The following WDR7 variants were observed in gnomAD, a reference collection of about 807,000 sequenced individuals.
WDR7 encodes WD repeat domain 7, also known as WD repeat-containing protein 7.
In WDR7, 46 loss-of-function variants were observed where a neutral mutation model predicts 169.4. The observed-to-expected ratio is 0.27, with a 90% CI of 0.21 to 0.35. The LOEUF (loss-of-function observed/expected upper bound fraction) is 0.35, where lower values mean the gene tolerates loss of function less well. Among genes scored for constraint, WDR7 ranks in the 10% least tolerant of loss-of-function variants. WDR7 has a pLI of 1.00. For missense variants in WDR7, 1,534 were observed against 1,859.3 expected, an observed-to-expected ratio of 0.83 and a Z score of 3.22; for synonymous variants, 612 against 666.8, an observed-to-expected ratio of 0.92 and a Z score of 1.27.
intron 14 of WDR7, among the ~76,000 whole-genome samples, chr18:56,742,623 T>G (rs2043637670): frequency 6.6e-6 from 1 of 152,172 alleles, no homozygotes; most frequent in Admixed American, 6.5e-5. Context: ...CTTCAGAAAA[T>G]ACACTCAGAT....
At chr18:56,983,920 T>C (rs957322227) in intron 26 of WDR7, among the ~76,000 whole-genome samples, 1 of 152,158 alleles carries the variant, frequency 6.6e-6, no homozygotes, top group African/African-American at 2.4e-5. Flanking sequence ...ACAATTGCAG[T>C]TTTTTCTTTT....
chr18:56,897,702 T>A (rs1241594449), intron 21 of WDR7, among the ~76,000 whole-genome samples: 1 of 151,986 alleles, frequency 6.6e-6, no homozygotes, highest in Non-Finnish European at 1.5e-5. Context: ...TAAAAATGTG[T>A]ACACTTTGAT....
intron 16 of WDR7, among the ~76,000 whole-genome samples, chr18:56,775,090 G>A (rs911989348): frequency 3.3e-5 from 5 of 151,800 alleles, no homozygotes; most frequent in Non-Finnish European, 4.4e-5. Flanking sequence ...TTAATCCCAC[G>A]ACTTATTTGA....
chr18:57,004,771 C>A lies in WDR7; in HGVS notation c.4165-15974C>A, dbSNP rs114545114. On this transcript the variant is annotated intron_variant, in intron 26 of 27. Coordinates refer to ENST00000254442, the MANE Select transcript of WDR7 (RefSeq NM_015285.3). ...CAGATCAAAACAGTTCTTACAGTTT[C>A]ACTCTTTTTTAACTTTGCAAGCAGA... Among the ~76,000 whole-genome samples, 542 of 152,204 alleles carry A rather than the reference C, an allele frequency of 3.6e-3. 2 individuals are homozygous for A. Among genetic ancestry groups the A allele is most frequent in the African/African-American group, 0.012 (497 of 41,516 alleles).
chr18:56,735,575 T>A (rs2026681505), intron 14 of WDR7, among the ~76,000 whole-genome samples: 1 of 152,196 alleles, frequency 6.6e-6, no homozygotes, highest in Non-Finnish European at 1.5e-5. Context: ...TTGATTTTTT[T>A]CAGATATGCT....
intron 25 of WDR7, among the ~76,000 whole-genome samples, chr18:56,952,714 A>G (rs1467417916): frequency 1.3e-5 from 2 of 152,234 alleles, no homozygotes; most frequent in African/African-American, 2.4e-5. Flanking sequence ...TTAAAAGCAT[A>G]TTACCTCTCT....
chr18:56,868,956 G>A (rs1402626850), intron 20 of WDR7, among the ~76,000 whole-genome samples: 1 of 151,940 alleles, frequency 6.6e-6, no homozygotes, highest in Non-Finnish European at 1.5e-5. Context: ...TGCCCTAATA[G>A]TAAAGGCAAA....
In WDR7 at chr18:56,796,769, T is replaced by C. The variant is rs181576090; in HGVS notation, c.3190+15113T>C. Among the ~76,000 whole-genome samples, 418 of 152,162 alleles carry C rather than the reference T, an allele frequency of 2.7e-3. 1 individual carries two copies. Among genetic ancestry groups the C allele is most frequent in the African/African-American group, 9.5e-3 (396 of 41,512 alleles). ...ATTTTATTAGATTAAAATGTGCAAG[T>C]GAATGATGTAGAAGAAAATGACATT... On this transcript the variant is annotated intron_variant, in intron 19 of 27. Transcript: ENST00000254442.
At chr18:56,983,251 C>A (rs2047670766) in intron 26 of WDR7, among the ~76,000 whole-genome samples, 1 of 152,104 alleles carries the variant, frequency 6.6e-6, no homozygotes, top group African/African-American at 2.4e-5. Flanking sequence ...CTATTTTTTA[C>A]TAAATACCTT....
chr18:56,907,232 G>A lies in WDR7; in HGVS notation c.3527-16690G>A, dbSNP rs533953843. Among the ~76,000 whole-genome samples, 6 of 152,310 alleles carry A rather than the reference G, an allele frequency of 3.9e-5. No individual in the cohort carries two copies. The South Asian group carries it at 1.2e-3, about 32-fold the overall frequency. On this transcript the variant is annotated intron_variant, in intron 21 of 27. Coordinates refer to ENST00000254442, the MANE Select transcript of WDR7 (RefSeq NM_015285.3). ...AAATGCTTAAAATATGGACGGTGAA[G>A]TGTGAATCAATTCTTTCATTCCACA...
At chr18:56,722,374 G>A (rs1395137171) in intron 13 of WDR7, among the ~76,000 whole-genome samples, 1 of 152,180 alleles carries the variant, frequency 6.6e-6, no homozygotes, top group African/African-American at 2.4e-5. Context: ...GGTTTTAGTA[G>A]CAAGTGTTTT....
At chr18:56,852,440 C>A (rs938331744) in intron 20 of WDR7, among the ~76,000 whole-genome samples, 3 of 152,098 alleles carry the variant, frequency 2.0e-5, no homozygotes, top group African/African-American at 4.8e-5. Flanking sequence ...TCCTCTGTCT[C>A]GTATTTTGAA....
chr18:56,891,859 A>T (rs1727643590), intron 21 of WDR7, among the ~76,000 whole-genome samples: 2 of 152,044 alleles, frequency 1.3e-5, no homozygotes, highest in Admixed American at 1.3e-4. Flanking sequence ...TATTTTTGTA[A>T]TTATTTATGT....
intron 18 of WDR7, among the ~76,000 whole-genome samples, chr18:56,780,996 ATATT>A (rs1200891463): frequency 6.6e-6 from 1 of 152,244 alleles, no homozygotes; most frequent in Non-Finnish European, 1.5e-5. Flanking sequence ...TTATACAGGA[ATATT>A]TATTTGTCAA....
chr18:56,879,975 A>G lies in WDR7; in HGVS notation c.3336A>G (p.Lys1112=). 6.2e-7 allele frequency: 1 copy of G among 1,613,972 alleles called. No homozygotes were observed. The highest frequency in any genetic ancestry group is 8.5e-7 in the Non-Finnish European group (1 of 1,179,942). The change falls in exon 21 of 28, where the codon AAA becomes AAG. Residue 1112 remains lysine, a synonymous_variant. Transcript: ENST00000254442. ...GCLSSVPQMK[K]ISTSYEERRK... ...TATCAAGTGTCCCACAAATGAAAAA[A>G]ATTTCTACATCTTACGAGGAAAGAC...
chr18:56,762,761 A>G (rs982849186), intron 16 of WDR7, among the ~76,000 whole-genome samples: 1 of 151,438 alleles, frequency 6.6e-6, no homozygotes, highest in East Asian at 1.9e-4. Flanking sequence ...TCTGCTCTTT[A>G]TTTACATCCT....
chr18:56,979,349 A>T (rs1212034599), intron 26 of WDR7, among the ~76,000 whole-genome samples: 17 of 152,174 alleles, frequency 1.1e-4, no homozygotes. Flanking sequence ...TTTTCCTGTG[A>T]CATTATGCTA....
chr18:56,843,722 T>G (rs2045521431), intron 20 of WDR7, among the ~76,000 whole-genome samples: 1 of 152,208 alleles, frequency 6.6e-6, no homozygotes. Flanking sequence ...ACATGGTCAT[T>G]CTATCTTTAA....
At chr18:56,753,680 T>A (rs866363299) in intron 14 of WDR7, among the ~76,000 whole-genome samples, 2 of 150,520 alleles carry the variant, frequency 1.3e-5, no homozygotes, top group Non-Finnish European at 3.0e-5. Flanking sequence ...TGATTTGATA[T>A]ACATATATTT....
Sources: allele counts gnomAD v4.1 joint callset (sites outside exome capture counted in the v4.1 genomes callset), GRCh38; gene constraint gnomAD v4.1.1; transcripts MANE v1.5; gene names NCBI Gene and HGNC (gene_info 2026-07-23, HGNC 2026-07-21).